PBX3: variants seen among roughly 807,000 people sequenced by gnomAD.
PBX3 encodes pre-B-cell leukemia transcription factor 3.
PBX3 carries 14 observed loss-of-function variants against 48.5 expected under a neutral mutation model. That is an observed-to-expected ratio of 0.29 (90% CI 0.19 to 0.45). PBX3 has a LOEUF of 0.45. PBX3 is among the 20% of genes least tolerant of loss of function. The pLI, the probability that PBX3 is intolerant of heterozygous loss-of-function variation, is 1.00. For synonymous variants in PBX3, 210 were observed against 200.3 expected, an observed-to-expected ratio of 1.05 and a Z score of -0.41; for missense variants, 386 against 546.7, an observed-to-expected ratio of 0.71 and a Z score of 2.93.
At chr9:125,765,024 T>A (rs950762218) in intron 2 of PBX3, among the ~76,000 whole-genome samples, 41 of 152,208 alleles carry the variant, frequency 2.7e-4, no homozygotes, top group African/African-American at 9.9e-4. Flanking sequence ...TTTTTAATTT[T>A]ATAAACTTTG....
chr9:125,899,924 A>ATATTAGC (rs1564163938), intron 2 of PBX3, among the ~76,000 whole-genome samples: 2 of 151,234 alleles, frequency 1.3e-5, no homozygotes, highest in South Asian at 2.1e-4. Flanking sequence ...CCCCAAAAGT[A>ATATTAGC]TTTCATTTAT....
intron 2 of PBX3, among the ~76,000 whole-genome samples, chr9:125,806,165 T>G (rs1002093190): frequency 2.0e-5 from 3 of 151,958 alleles, no homozygotes; most frequent in African/African-American, 7.3e-5. Flanking sequence ...GAAAGTGAAA[T>G]AGGCATGCAT....
intron 2 of PBX3, among the ~76,000 whole-genome samples, chr9:125,818,124 G>T (rs1004803772): frequency 2.0e-5 from 3 of 151,736 alleles, no homozygotes; most frequent in African/African-American, 7.3e-5. Flanking sequence ...GCTAGAACCC[G>T]GGAGGCGGAG....
At chr9:125,881,650 G>C (rs1840384775) in intron 2 of PBX3, among the ~76,000 whole-genome samples, 1 of 151,842 alleles carries the variant, frequency 6.6e-6, no homozygotes, top group Non-Finnish European at 1.5e-5. Context: ...ACAGGGTCTT[G>C]CTCTGTGTCC....
At position 125,866,483 on chromosome 9, in the gene PBX3, T is replaced by C. The variant is rs1486250786; in HGVS notation, c.275-49203T>C. Among the ~76,000 whole-genome samples, 6 of 152,168 alleles carry C rather than the reference T, an allele frequency of 3.9e-5. No individual in the cohort carries two copies. In the East Asian group the frequency reaches 1.2e-3, roughly 29 times the overall value. On this transcript the variant is annotated intron_variant, in intron 2 of 8. Transcript: ENST00000373489. ...TCTGCTGCCCTTGTGGGGTTTACAT[T>C]CTAGTGGAAAGAGAGGTAACATTAT...
At chr9:125,919,782 C>T (rs1400537095) in intron 3 of PBX3, among the ~76,000 whole-genome samples, 1 of 152,194 alleles carries the variant, frequency 6.6e-6, no homozygotes, top group Non-Finnish European at 1.5e-5. Flanking sequence ...AACATCACCA[C>T]TGCAGTAAAT....
intron 2 of PBX3, among the ~76,000 whole-genome samples, chr9:125,869,269 A>G (rs1215794265): frequency 6.6e-6 from 1 of 152,208 alleles, no homozygotes; most frequent in East Asian, 1.9e-4. Flanking sequence ...AAAGATGTTA[A>G]GAGGATAGAG....
At chr9:125,776,911 T>G (rs770897461) in intron 2 of PBX3, among the ~76,000 whole-genome samples, 1 of 152,184 alleles carries the variant, frequency 6.6e-6, no homozygotes, top group Non-Finnish European at 1.5e-5. Context: ...TTTGTTTGTT[T>G]TTGAGATTAG....
chr9:125,807,168 ACATAAAT>A (rs1838149058), intron 2 of PBX3, among the ~76,000 whole-genome samples: 1 of 152,158 alleles, frequency 6.6e-6, no homozygotes, highest in South Asian at 2.1e-4. Flanking sequence ...AGTAAAAAGT[ACATAAAT>A]TAGTTGGGTG....
intron 2 of PBX3, among the ~76,000 whole-genome samples, chr9:125,821,743 A>G (rs1838658487): frequency 1.3e-5 from 2 of 152,150 alleles, no homozygotes; most frequent in Admixed American, 1.3e-4. Flanking sequence ...AATTTGAGAA[A>G]TTTTGAAATT....
At chr9:125,814,296 CTTG>C (rs920362452) in intron 2 of PBX3, among the ~76,000 whole-genome samples, 6 of 149,800 alleles carry the variant, frequency 4.0e-5, no homozygotes, top group African/African-American at 1.5e-4. Context: ...AGTTACTACC[CTTG>C]TTAACTCTAA....
chr9:125,963,974 CATA>C (rs1231008030), intron 8 of PBX3, among the ~76,000 whole-genome samples: 9 of 152,130 alleles, frequency 5.9e-5, no homozygotes, highest in Non-Finnish European at 1.0e-4. Context: ...ATAAATAACT[CATA>C]ATAACCCACA....
intron 2 of PBX3, among the ~76,000 whole-genome samples, chr9:125,835,015 CAAAAAAAAAAAAAAAAA>C (rs745638368): frequency 1.0e-3 from 26 of 25,174 alleles, no homozygotes; most frequent in Admixed American, 4.6e-3. Flanking sequence ...AACTCTGTCT[CAAAAAAAAAAAAAAAAA>C]AAAAAAAAAA....
intron 2 of PBX3, among the ~76,000 whole-genome samples, chr9:125,783,138 C>T (rs899783851): frequency 6.6e-6 from 1 of 152,032 alleles, no homozygotes; most frequent in Admixed American, 6.5e-5. Flanking sequence ...ATATTATTTC[C>T]GTCCCTTTCT....
intron 2 of PBX3, among the ~76,000 whole-genome samples, chr9:125,781,195 C>T (rs1241239434): frequency 6.6e-6 from 1 of 150,456 alleles, no homozygotes; most frequent in Non-Finnish European, 1.5e-5. Flanking sequence ...TTGTAGCGAG[C>T]TGAGATCACA....
chr9:125,837,764 G>T (rs1045199972), intron 2 of PBX3, among the ~76,000 whole-genome samples: 4 of 151,598 alleles, frequency 2.6e-5, no homozygotes, highest in Non-Finnish European at 5.9e-5. Context: ...CTAATTTTTT[G>T]TATTTTTAGT....
intron 4 of PBX3, among the ~76,000 whole-genome samples, chr9:125,934,060 T>G (rs924747026): frequency 6.6e-6 from 1 of 152,170 alleles, no homozygotes; most frequent in Non-Finnish European, 1.5e-5. Flanking sequence ...CAGTTCATCA[T>G]CAAATCCTGT....
At chr9:125,837,042 A>G (rs1321550246) in intron 2 of PBX3, among the ~76,000 whole-genome samples, 2 of 152,202 alleles carry the variant, frequency 1.3e-5, no homozygotes, top group Admixed American at 1.3e-4. Flanking sequence ...TTTAGCCTTC[A>G]TACATATTTG....
intron 5 of PBX3, among the ~76,000 whole-genome samples, chr9:125,937,742 A>G (rs972153989): frequency 6.6e-6 from 1 of 152,150 alleles, no homozygotes; most frequent in African/African-American, 2.4e-5. Flanking sequence ...AGCTCACTGT[A>G]ACTTTGAACT....
Sources: allele counts gnomAD v4.1 joint callset (sites outside exome capture counted in the v4.1 genomes callset), GRCh38; gene constraint gnomAD v4.1.1; transcripts MANE v1.5; gene names NCBI Gene and HGNC (gene_info 2026-07-23, HGNC 2026-07-21).